The following IMMP2L variants were observed in gnomAD, a reference collection of about 807,000 sequenced individuals.
The protein encoded by IMMP2L is inner mitochondrial membrane peptidase subunit 2, also known as mitochondrial inner membrane protease subunit 2.
In IMMP2L, 18 loss-of-function variants were observed where a neutral mutation model predicts 19.3. The ratio of observed to expected loss-of-function variants is 0.93; its 90% CI spans 0.64 to 1.38. The LOEUF is 1.38. Ranked by LOEUF, IMMP2L falls within the 40% of genes most tolerant of loss-of-function variation. The pLI, the probability that IMMP2L is intolerant of heterozygous loss-of-function variation, is 0.00. For missense variants in IMMP2L, 233 were observed against 218.2 expected (o/e 1.07, Z -0.43); for synonymous variants, 76 against 73.0 (o/e 1.04, Z -0.21).
In IMMP2L at chr7:110,693,975, G is replaced by A. The variant is rs535997877; in HGVS notation, c.409-30254C>T. Among the ~76,000 whole-genome samples the A allele has an allele frequency of 1.3e-3, 202 of 152,266 alleles. 7 individuals carry two copies. The South Asian group carries it at 0.023, about 17-fold the overall frequency. On this transcript the variant is annotated intron_variant, in intron 5 of 5. Coordinates refer to ENST00000405709, the MANE Select transcript of IMMP2L (RefSeq NM_032549.4). ...TGGATGCTTCCCTTCTTGGGGAACA[G>A]AGGGGACCTTCATCTTAGAGGTTCT... is the stretch of plus-strand genomic sequence containing the variant.
chr7:111,406,223 G>A (rs957968569), intron 3 of IMMP2L, among the ~76,000 whole-genome samples: 2 of 151,848 alleles, frequency 1.3e-5, no homozygotes, highest in East Asian at 1.9e-4. Flanking sequence ...AATTGCTTAG[G>A]CCAAAAACTT....
intron 3 of IMMP2L, among the ~76,000 whole-genome samples, chr7:111,016,792 A>G (rs1359412559): frequency 2.7e-5 from 2 of 73,556 alleles, no homozygotes; most frequent in African/African-American, 5.0e-5. Flanking sequence ...TATATACTAT[A>G]TAATATATAA....
intron 2 of IMMP2L, among the ~76,000 whole-genome samples, chr7:111,507,825 C>T (rs552653511): frequency 2.6e-5 from 4 of 152,262 alleles, no homozygotes; most frequent in African/African-American, 9.6e-5. Flanking sequence ...ACATGTCAGG[C>T]ACTCAACTGG....
chr7:110,703,162 T>C (rs1794402960), intron 5 of IMMP2L, among the ~76,000 whole-genome samples: 2 of 152,310 alleles, frequency 1.3e-5, no homozygotes, highest in South Asian at 4.1e-4. Flanking sequence ...TATTGAGTTT[T>C]TTCAAATGCT....
At chr7:111,235,988 C>T (rs1271719295) in intron 3 of IMMP2L, among the ~76,000 whole-genome samples, 1 of 151,994 alleles carries the variant, frequency 6.6e-6, no homozygotes, top group Non-Finnish European at 1.5e-5. Context: ...TTTTTTTCAT[C>T]TTAGGTCCTG....
In IMMP2L at chr7:110,831,582, T is replaced by C. The variant is rs981212638; in HGVS notation, c.408+55011A>G. 8.5e-5 allele frequency among the ~76,000 whole-genome samples: 13 copies of C among 152,266 alleles called. No homozygotes were observed. The East Asian group carries it at 2.3e-3, about 27-fold the overall frequency. On this transcript the variant is annotated intron_variant, in intron 5 of 5. Coordinates refer to ENST00000405709, the MANE Select transcript of IMMP2L (RefSeq NM_032549.4). ...TAGCCAAAAGACACAAGCAGCCAAC[T>C]TGGTAAATAAGATCTCATTTGCAAA...
chr7:111,132,965 T>G (rs1801989014), intron 3 of IMMP2L, among the ~76,000 whole-genome samples: 1 of 152,056 alleles, frequency 6.6e-6, no homozygotes, highest in Admixed American at 6.5e-5. Flanking sequence ...TATGTTGACC[T>G]ATGTTCTCAT....
chr7:111,188,271 A>G (rs1459737994), intron 3 of IMMP2L, among the ~76,000 whole-genome samples: 2 of 152,152 alleles, frequency 1.3e-5, no homozygotes, highest in East Asian at 3.9e-4. Flanking sequence ...TGCGATTAAC[A>G]AAGTGCCATA....
chr7:111,462,582 A>G (rs1840234215), intron 3 of IMMP2L, among the ~76,000 whole-genome samples: 1 of 152,184 alleles, frequency 6.6e-6, no homozygotes, highest in South Asian at 2.1e-4. Context: ...ACAAGCATAC[A>G]ATGTGCAATC....
intron 3 of IMMP2L, among the ~76,000 whole-genome samples, chr7:111,423,013 A>T (rs1037332366): frequency 6.6e-6 from 1 of 151,762 alleles, no homozygotes; most frequent in Non-Finnish European, 1.5e-5. Context: ...TAAGTGATGG[A>T]TTACGTTTAT....
chr7:111,012,043 A>G (rs762660693), intron 3 of IMMP2L, among the ~76,000 whole-genome samples: 14 of 152,124 alleles, frequency 9.2e-5, no homozygotes, highest in Non-Finnish European at 1.3e-4. Context: ...CCCCCTGTCT[A>G]TATTGAGTAA....
At chr7:111,071,113 A>T (rs1794912290) in intron 3 of IMMP2L, among the ~76,000 whole-genome samples, 1 of 152,174 alleles carries the variant, frequency 6.6e-6, no homozygotes, top group African/African-American at 2.4e-5. Flanking sequence ...CAAGTACATG[A>T]AAAAAATTTT....
At chr7:111,444,635 C>A (rs1217717798) in intron 3 of IMMP2L, among the ~76,000 whole-genome samples, 2 of 152,220 alleles carry the variant, frequency 1.3e-5, no homozygotes, top group Admixed American at 1.3e-4. Context: ...ACTGCTACAT[C>A]TTTATCAAGT....
At chr7:110,962,576 G>T in intron 4 of IMMP2L, 1 of 233,406 alleles carries the variant, frequency 4.3e-6, no homozygotes, top group Non-Finnish European at 7.0e-6. Context: ...ACTCACAAGA[G>T]AATGAGAGTG....
chr7:110,677,265 T>A (rs1584476124), intron 5 of IMMP2L, among the ~76,000 whole-genome samples: 1 of 152,100 alleles, frequency 6.6e-6, no homozygotes, highest in African/African-American at 2.4e-5. Flanking sequence ...TAAAGGCAGG[T>A]AAAACCAAAT....
chr7:110,980,512 G>A (rs779347333), intron 3 of IMMP2L, among the ~76,000 whole-genome samples: 2 of 151,988 alleles, frequency 1.3e-5, no homozygotes, highest in Admixed American at 1.3e-4. Context: ...CACTCCGCCC[G>A]GCCTATTTGT....
At chr7:111,530,101 C>T (rs1455558364) in intron 1 of IMMP2L, among the ~76,000 whole-genome samples, 1 of 152,248 alleles carries the variant, frequency 6.6e-6, no homozygotes, top group South Asian at 2.1e-4. Flanking sequence ...GGCTTTGAAT[C>T]CAAGACCTCA....
chr7:111,031,934 A>ATTT (rs57560784), intron 3 of IMMP2L, among the ~76,000 whole-genome samples: 2,495 of 107,964 alleles, frequency 0.023, 183 homozygotes, highest in African/African-American at 0.078. Context: ...AACACCAGAG[A>ATTT]TTTTTTTTTT....
rs1318354131 is a variant in IMMP2L, at chr7:110,662,803, A to G, written c.*799T>C. Among the ~76,000 whole-genome samples the G allele has an allele frequency of 6.6e-6, 1 of 152,156 alleles. No individual in the cohort carries two copies. The highest frequency in any genetic ancestry group is 1.5e-5 in the Non-Finnish European group (1 of 68,012). On this transcript the variant is annotated 3_prime_UTR_variant, in exon 6 of 6. Coordinates refer to ENST00000405709, the MANE Select transcript of IMMP2L (RefSeq NM_032549.4). ...GCTGATCTGGACTGTTTTTTCTTCT[A>G]TTTCACTCAGAACTTTTAAACACAT...
Sources: allele counts gnomAD v4.1 joint callset (sites outside exome capture counted in the v4.1 genomes callset), GRCh38; gene constraint gnomAD v4.1.1; transcripts MANE v1.5; gene names NCBI Gene and HGNC (gene_info 2026-07-23, HGNC 2026-07-21).